SPATA17: variants seen among roughly 807,000 people sequenced by gnomAD.
The protein encoded by SPATA17 is spermatogenesis associated 17.
A neutral mutation model predicts 62.2 loss-of-function variants in SPATA17; 53 were observed. The observed-to-expected ratio is 0.85, with a 90% confidence interval of 0.68 to 1.07. The LOEUF is 1.07. Ranked by LOEUF, SPATA17 falls within the 50% of genes least tolerant of loss-of-function variation. SPATA17 has a pLI of 0.00. For synonymous variants in SPATA17, 146 were observed against 146.8 expected, an observed-to-expected ratio of 0.99 and a Z score of 0.04; for missense variants, 466 against 425.5, an observed-to-expected ratio of 1.10 and a Z score of -0.84.
At chr1:217,712,326 A>T (rs921574664) in intron 5 of SPATA17, among the ~76,000 whole-genome samples, 8 of 152,024 alleles carry the variant, frequency 5.3e-5, no homozygotes, top group African/African-American at 1.9e-4. Context: ...GGGTTTCTCC[A>T]TGTTGGTCAG....
chr1:217,632,538 C>A (rs1391785829), intron 1 of SPATA17, among the ~76,000 whole-genome samples: 2 of 152,110 alleles, frequency 1.3e-5, no homozygotes, highest in Non-Finnish European at 2.9e-5. Flanking sequence ...CACAACGTAC[C>A]TCTCTTACAG....
chr1:217,852,917 C>T (rs1235841214), intron 9 of SPATA17, among the ~76,000 whole-genome samples: 1 of 152,034 alleles, frequency 6.6e-6, no homozygotes, highest in Non-Finnish European at 1.5e-5. Context: ...AGTCCTTCTC[C>T]ACTACCCTGT....
chr1:217,723,842 T>A (rs908168988), intron 5 of SPATA17, among the ~76,000 whole-genome samples: 20 of 152,296 alleles, frequency 1.3e-4, no homozygotes, highest in African/African-American at 4.6e-4. Context: ...TAACAGGAGT[T>A]AGATAGATTT....
chr1:217,846,676 G>T (rs114088789), intron 9 of SPATA17, among the ~76,000 whole-genome samples: 1 of 151,900 alleles, frequency 6.6e-6, no homozygotes, highest in Admixed American at 6.6e-5. Context: ...ACATCAGAAC[G>T]TCATGTTATA....
chr1:217,860,427 G>A (rs1675875697), intron 9 of SPATA17, among the ~76,000 whole-genome samples: 2 of 152,108 alleles, frequency 1.3e-5, no homozygotes, highest in African/African-American at 4.8e-5. Flanking sequence ...TTTTATGGTA[G>A]TACTCTTCAA....
At chr1:217,747,954 T>C (rs1672804071) in intron 6 of SPATA17, among the ~76,000 whole-genome samples, 1 of 152,206 alleles carries the variant, frequency 6.6e-6, no homozygotes, top group African/African-American at 2.4e-5. Flanking sequence ...TTCAGCTACT[T>C]CTTTCCCAAA....
intron 3 of SPATA17, among the ~76,000 whole-genome samples, chr1:217,652,322 C>G (rs1670335814): frequency 6.6e-6 from 1 of 152,170 alleles, no homozygotes; most frequent in Non-Finnish European, 1.5e-5. Context: ...ACCTCTGCCT[C>G]CTGGGTTCAA....
intron 9 of SPATA17, among the ~76,000 whole-genome samples, chr1:217,837,743 G>A (rs1232365499): frequency 1.3e-5 from 2 of 151,748 alleles, no homozygotes; most frequent in African/African-American, 4.8e-5. Context: ...TGATTTTGGG[G>A]GTGCTCATAA....
At chr1:217,647,706 A>T (rs1341374802) in intron 1 of SPATA17, among the ~76,000 whole-genome samples, 2 of 151,704 alleles carry the variant, frequency 1.3e-5, no homozygotes, top group Non-Finnish European at 2.9e-5. Context: ...AATTCACTTT[A>T]GTCAAGCCTC....
At chr1:217,789,853 A>G (rs11117935) in intron 8 of SPATA17, among the ~76,000 whole-genome samples, 116,915 of 151,974 alleles carry the variant, frequency 0.77, 45,352 homozygotes, top group Non-Finnish European at 0.81. Flanking sequence ...AGGCCAACAT[A>G]GTGAAAGCCC....
At chr1:217,853,126 T>C (rs1675701440) in intron 9 of SPATA17, among the ~76,000 whole-genome samples, 1 of 152,122 alleles carries the variant, frequency 6.6e-6, no homozygotes, top group South Asian at 2.1e-4. Flanking sequence ...AATAAATGAA[T>C]GTTTATAAAC....
Position 217,651,097 on chromosome 1 carries a change from G to T in SPATA17, c.159G>T (p.Arg53Ser). Residue 53 changes from arginine to serine, a missense_variant and splice_region_variant, in exon 3 of 11, where the codon AGG becomes AGT. Coordinates refer to ENST00000366933, the MANE Select transcript of SPATA17 (RefSeq NM_138796.4). ...FRGCQVRAYI[R>S]HLNRIVTIIQ... is the part of the protein sequence containing the mutation. The stretch of plus-strand genomic sequence containing the variant: ...AATAAGCATATTTTTTTTATCCTAG[G>T]CATTTAAACAGGATTGTAACAATTA... 1 of 1,597,370 alleles carries T rather than the reference G, an allele frequency of 6.3e-7. No homozygotes were observed. The highest frequency in any genetic ancestry group is 1.8e-5 in the Admixed American group (1 of 56,064).
chr1:217,647,883 T>G (rs992888132), intron 1 of SPATA17, among the ~76,000 whole-genome samples: 2 of 151,886 alleles, frequency 1.3e-5, no homozygotes, highest in Non-Finnish European at 2.9e-5. Flanking sequence ...CCACCACGCT[T>G]GGCTAATTTT....
At chr1:217,813,299 C>T (rs1042853907) in intron 9 of SPATA17, among the ~76,000 whole-genome samples, 19 of 152,114 alleles carry the variant, frequency 1.2e-4, no homozygotes, top group African/African-American at 4.3e-4. Flanking sequence ...TTCAGCTTAA[C>T]GACCGTGATT....
intron 6 of SPATA17, among the ~76,000 whole-genome samples, chr1:217,770,024 A>G (rs1034776224): frequency 1.3e-5 from 2 of 152,328 alleles, no homozygotes; most frequent in East Asian, 1.9e-4. Flanking sequence ...GATGAAGTAC[A>G]TTGGTCAGTG....
intron 6 of SPATA17, among the ~76,000 whole-genome samples, chr1:217,754,963 G>A (rs1036945330): frequency 2.6e-5 from 4 of 151,978 alleles, no homozygotes; most frequent in Admixed American, 1.3e-4. Context: ...TGACTGATGT[G>A]GTCATTAAGG....
At chr1:217,795,367 T>TTTTC in intron 8 of SPATA17, among the ~76,000 whole-genome samples, 1 of 140,486 alleles carries the variant, frequency 7.1e-6, no homozygotes. Context: ...AGTCTCTTTT[T>TTTTC]TTTTTTTTTT....
intron 9 of SPATA17, among the ~76,000 whole-genome samples, chr1:217,816,784 C>T (rs1674726703): frequency 6.6e-6 from 1 of 151,844 alleles, no homozygotes; most frequent in African/African-American, 2.4e-5. Flanking sequence ...CCTTTCTAAC[C>T]TTTTAAAACA....
intron 6 of SPATA17, among the ~76,000 whole-genome samples, chr1:217,746,675 T>C (rs1672760399): frequency 6.6e-6 from 1 of 151,916 alleles, no homozygotes; most frequent in Non-Finnish European, 1.5e-5. Context: ...ATCCAATGTA[T>C]ACCTTAAAAT....
Sources: gnomAD v4.1 joint callset for allele counts (sites outside exome capture counted in the v4.1 genomes callset) on GRCh38, gnomAD v4.1.1 for gene constraint, MANE v1.5 for transcripts, NCBI Gene and HGNC (gene_info 2026-07-23, HGNC 2026-07-21) for gene names.